Variants in PDE4B observed in about 807,000 individuals in gnomAD.
PDE4B encodes the protein 3',5'-cyclic-AMP phosphodiesterase 4B.
A neutral mutation model predicts 82.2 loss-of-function variants in PDE4B; 20 were observed. The observed-to-expected ratio is 0.24, with a 90% confidence interval of 0.17 to 0.35. The LOEUF is 0.35. Among genes scored for constraint, PDE4B ranks in the 10% least tolerant of loss-of-function variants. The probability of loss-of-function intolerance (pLI) is 1.00; values close to 1 mark genes in which losing one functional copy is unlikely to be tolerated. For missense variants in PDE4B, 655 were observed against 907.2 expected, an observed-to-expected ratio of 0.72 and a Z score of 3.57; for synonymous variants, 320 against 318.9, an observed-to-expected ratio of 1.00 and a Z score of -0.04.
chr1:66,100,322 G>A (rs566087699), intron 3 of PDE4B, among the ~76,000 whole-genome samples: 86 of 152,108 alleles, frequency 5.7e-4, no homozygotes, highest in Admixed American at 5.6e-3. Context: ...TAAAGTGCTG[G>A]GATTACAGGT....
chr1:66,317,803 T>G (rs1382143863), intron 7 of PDE4B, among the ~76,000 whole-genome samples: 1 of 152,086 alleles, frequency 6.6e-6, no homozygotes, highest in Admixed American at 6.5e-5. Context: ...GAGGCTGATG[T>G]AGGAGGATCA....
chr1:66,162,547 G>T (rs1646638427), intron 3 of PDE4B, among the ~76,000 whole-genome samples: 1 of 151,962 alleles, frequency 6.6e-6, no homozygotes, highest in African/African-American at 2.4e-5. Flanking sequence ...AGCCTATGCA[G>T]GTTGAGTATC....
At chr1:66,018,222 C>T (rs1473890347) in intron 3 of PDE4B, among the ~76,000 whole-genome samples, 2 of 152,046 alleles carry the variant, frequency 1.3e-5, no homozygotes, top group Non-Finnish European at 2.9e-5. Flanking sequence ...TCGAGACCAT[C>T]TTGGCTAACA....
intron 8 of PDE4B, among the ~76,000 whole-genome samples, chr1:66,337,043 G>A (rs1660576840): frequency 6.6e-6 from 1 of 152,358 alleles, no homozygotes; most frequent in South Asian, 2.1e-4. Context: ...GAAAATGCCA[G>A]CTCCTGCAGA....
intron 8 of PDE4B, among the ~76,000 whole-genome samples, chr1:66,344,091 C>T (rs1418760689): frequency 6.6e-6 from 1 of 152,132 alleles, no homozygotes; most frequent in East Asian, 1.9e-4. Context: ...GGACACAGTG[C>T]CCCCCAATGC....
intron 1 of PDE4B, among the ~76,000 whole-genome samples, chr1:65,810,373 C>T (rs1041018270): frequency 1.3e-5 from 2 of 152,134 alleles, no homozygotes; most frequent in African/African-American, 2.4e-5. Flanking sequence ...CCTACTATTA[C>T]CTTGTGATGA....
At chr1:66,047,403 G>T (rs184650155) in intron 3 of PDE4B, among the ~76,000 whole-genome samples, 1 of 151,966 alleles carries the variant, frequency 6.6e-6, no homozygotes, top group Admixed American at 6.6e-5. Context: ...TGTTATTGTT[G>T]TTATCCAAAG....
At chr1:65,889,850 A>G (rs1279188348) in intron 1 of PDE4B, among the ~76,000 whole-genome samples, 3 of 152,124 alleles carry the variant, frequency 2.0e-5, no homozygotes, top group Non-Finnish European at 4.4e-5. Context: ...TTTTGTTCCT[A>G]TGGAATACAT....
intron 3 of PDE4B, among the ~76,000 whole-genome samples, chr1:66,228,123 A>G (rs1651603980): frequency 6.6e-6 from 1 of 152,166 alleles, no homozygotes; most frequent in African/African-American, 2.4e-5. Context: ...TTAGCCTGAC[A>G]CCCAAATATC....
At chr1:66,045,243 A>AT (rs555165726) in intron 3 of PDE4B, among the ~76,000 whole-genome samples, 1 of 151,208 alleles carries the variant, frequency 6.6e-6, no homozygotes, top group Admixed American at 6.6e-5. Flanking sequence ...TTTTATTATT[A>AT]TTTTTTTCAA....
intron 1 of PDE4B, among the ~76,000 whole-genome samples, chr1:65,903,419 G>GCA (rs10580572): frequency 0.015 from 2,245 of 148,500 alleles, 17 homozygotes; most frequent in Middle Eastern, 0.027. Flanking sequence ...ACACACACAT[G>GCA]CACACACACA....
chr1:66,342,445 C>A (rs555574347), intron 8 of PDE4B, among the ~76,000 whole-genome samples: 14 of 151,592 alleles, frequency 9.2e-5, no homozygotes, highest in Admixed American at 3.9e-4. Flanking sequence ...CGCAGTGGCT[C>A]ACGCCTGTAA....
At chr1:65,958,215 T>A (rs1160658561) in intron 3 of PDE4B, among the ~76,000 whole-genome samples, 1 of 152,104 alleles carries the variant, frequency 6.6e-6, no homozygotes, top group African/African-American at 2.4e-5. Context: ...TTTTAAATTA[T>A]ATTTTTCCCT....
chr1:65,828,418 G>A (rs1370481235), intron 1 of PDE4B, among the ~76,000 whole-genome samples: 1 of 151,878 alleles, frequency 6.6e-6, no homozygotes, highest in African/African-American at 2.4e-5. Flanking sequence ...TCTAATTTTT[G>A]TATTTTTAGT....
intron 8 of PDE4B, among the ~76,000 whole-genome samples, chr1:66,350,567 T>C (rs1348745367): frequency 6.6e-6 from 1 of 152,140 alleles, no homozygotes; most frequent in East Asian, 1.9e-4. Flanking sequence ...AGCTCTTTCA[T>C]GGGCTTTATA....
At chr1:66,042,790 T>C (rs1040943043) in intron 3 of PDE4B, 9 of 151,830 alleles carry the variant, frequency 5.9e-5, no homozygotes, top group Non-Finnish European at 1.5e-5. Flanking sequence ...CAAAAGGGGA[T>C]ATAATCGTTG....
At chr1:66,258,591 T>C (rs543164865) in intron 6 of PDE4B, among the ~76,000 whole-genome samples, 1 of 152,304 alleles carries the variant, frequency 6.6e-6, no homozygotes, top group Non-Finnish European at 1.5e-5. Flanking sequence ...GGAGGAGGCC[T>C]TTGAGACCAT....
intron 8 of PDE4B, chr1:66,354,662 G>A (rs1662094104): frequency 1.4e-6 from 2 of 1,401,952 alleles, no homozygotes; most frequent in Non-Finnish European, 1.8e-6. Context: ...CAAGAATGGA[G>A]TGCGAAGATG....
chr1:66,333,579 C>T (rs1287452033), intron 8 of PDE4B, among the ~76,000 whole-genome samples: 9 of 152,164 alleles, frequency 5.9e-5, no homozygotes, highest in African/African-American at 2.2e-4. Context: ...TTGTTGTCTA[C>T]GTTTCTGGGG....
Sources: gnomAD v4.1 joint callset for allele counts (sites outside exome capture counted in the v4.1 genomes callset) on GRCh38, gnomAD v4.1.1 for gene constraint, MANE v1.5 for transcripts, NCBI Gene and HGNC (gene_info 2026-07-23, HGNC 2026-07-21) for gene names.